CAMK2D: variants seen among roughly 807,000 people sequenced by gnomAD.
CAMK2D encodes the protein calcium/calmodulin-dependent protein kinase type II subunit delta.
Under a neutral mutation model 84.0 loss-of-function variants are expected in CAMK2D, and 37 were observed. The ratio of observed to expected loss-of-function variants is 0.44; its 90% confidence interval spans 0.34 to 0.58. The LOEUF is 0.58. CAMK2D is among the 20% of genes least tolerant of loss of function. The pLI is 0.02. For missense variants in CAMK2D, 448 were observed against 652.5 expected, an observed-to-expected ratio of 0.69 and a Z score of 3.41; for synonymous variants, 202 against 212.5, an observed-to-expected ratio of 0.95 and a Z score of 0.43.
intron 2 of CAMK2D, chr4:113,754,471 A>T: frequency 1.1e-6 from 1 of 928,856 alleles, no homozygotes; most frequent in Non-Finnish European, 1.3e-6. Flanking sequence ...CATATTGCTA[A>T]ATTTTAATTT....
chr4:113,466,538 G>A (rs776941462), intron 16 of CAMK2D, among the ~76,000 whole-genome samples: 2 of 152,064 alleles, frequency 1.3e-5, no homozygotes, highest in Admixed American at 6.6e-5. Context: ...ACTGGCCTTT[G>A]TTTTTAGACA....
intron 2 of CAMK2D, chr4:113,679,402 C>A (rs2099331272): frequency 3.2e-6 from 3 of 928,306 alleles, no homozygotes; most frequent in African/African-American, 1.8e-5. Context: ...TAAATACTTG[C>A]CTCTCCCCAG....
At chr4:113,638,825 G>A (rs376184137) in intron 3 of CAMK2D, among the ~76,000 whole-genome samples, 4 of 152,142 alleles carry the variant, frequency 2.6e-5, no homozygotes, top group South Asian at 2.1e-4. Flanking sequence ...AGACAATTGT[G>A]GTAAGGTGGA....
At chr4:113,644,119 C>T (rs1423068576) in intron 3 of CAMK2D, among the ~76,000 whole-genome samples, 1 of 152,048 alleles carries the variant, frequency 6.6e-6, no homozygotes. Flanking sequence ...ACTTTGACTT[C>T]ATAAGACGTG....
Position 113,761,667 on chromosome 4 carries a change from A to C in CAMK2D, c.-599T>G. The C allele has an allele frequency of 1.0e-6, 1 of 984,922 alleles. No individual in the cohort carries two copies. Among genetic ancestry groups the C allele is most frequent in the Non-Finnish European group, 1.2e-6 (1 of 829,646 alleles). 61.0% of individuals were successfully genotyped at this position (984,922 alleles called of 1,614,324 possible). A position where few individuals can be genotyped will look rare whatever the true frequency, so the allele number is the denominator to read the frequency against. On this transcript the variant is annotated 5_prime_UTR_variant, in exon 1 of 21. Transcript: ENST00000511664. Reference sequence around the variant, plus strand: ...CCGGCGGGCGGCAGCGGCTCCGGCGAAGCGAGGCACCTTGGCGGCCTCGCG... The same window carrying C: ...CCGGCGGGCGGCAGCGGCTCCGGCGCAGCGAGGCACCTTGGCGGCCTCGCG...
At chr4:113,581,099 G>C (rs1402303074) in intron 4 of CAMK2D, among the ~76,000 whole-genome samples, 1 of 152,120 alleles carries the variant, frequency 6.6e-6, no homozygotes, top group Non-Finnish European at 1.5e-5. Flanking sequence ...AATGCAGTGT[G>C]AAAGTAGAGG....
intron 3 of CAMK2D, among the ~76,000 whole-genome samples, chr4:113,648,769 A>G (rs1449077072): frequency 2.0e-5 from 3 of 152,186 alleles, no homozygotes; most frequent in African/African-American, 7.2e-5. Context: ...AGTCACAGCC[A>G]AATATTTCCA....
At chr4:113,708,083 A>G (rs961961931) in intron 2 of CAMK2D, among the ~76,000 whole-genome samples, 15 of 151,008 alleles carry the variant, frequency 9.9e-5, no homozygotes, top group Non-Finnish European at 1.5e-4. Context: ...TACCAACCAT[A>G]AAAAAAAAGT....
chr4:113,644,336 G>C (rs1292425904), intron 3 of CAMK2D, among the ~76,000 whole-genome samples: 1 of 152,172 alleles, frequency 6.6e-6, no homozygotes, highest in Non-Finnish European at 1.5e-5. Context: ...GCAAAAGTCA[G>C]GAGTCAAAAT....
Position 113,452,229 on chromosome 4 carries a change from C to T in CAMK2D, c.*2316G>A, listed in dbSNP as rs1236870612. The T allele has an allele frequency of 1.3e-5, 2 of 151,580 alleles. No individual in the cohort carries two copies. Among genetic ancestry groups the T allele is most frequent in the Non-Finnish European group, 2.9e-5 (2 of 67,972 alleles). 9.4% of individuals were successfully genotyped at this position (151,580 alleles called of 1,614,324 possible). A position where few individuals can be genotyped will look rare whatever the true frequency, so the allele number is the denominator to read the frequency against. ...TCTTAGTTGTTAACTATATTGTTCT[C>T]AGCAACATTTTCCCAGAAGAGACCA... On this transcript the variant is annotated 3_prime_UTR_variant, in exon 21 of 21. Coordinates refer to ENST00000511664, the MANE Select transcript of CAMK2D (RefSeq NM_001321571.2).
chr4:113,630,130 T>G (rs1174869498), intron 3 of CAMK2D, among the ~76,000 whole-genome samples: 1 of 152,172 alleles, frequency 6.6e-6, no homozygotes, highest in Non-Finnish European at 1.5e-5. Context: ...AAAAAATGAA[T>G]GCGTAGTTAT....
chr4:113,456,236 G>A (rs2097302032), intron 19 of CAMK2D, among the ~76,000 whole-genome samples: 1 of 152,178 alleles, frequency 6.6e-6, no homozygotes. Context: ...ATTCTCTGGA[G>A]TGAGTTGAAT....
chr4:113,737,062 A>G (rs1368682244), intron 2 of CAMK2D, among the ~76,000 whole-genome samples: 3 of 152,204 alleles, frequency 2.0e-5, no homozygotes, highest in Non-Finnish European at 4.4e-5. Context: ...TGGGGGTAAA[A>G]TGATCTAGCA....
intron 16 of CAMK2D, among the ~76,000 whole-genome samples, chr4:113,497,530 AG>A (rs2097954670): frequency 6.6e-6 from 1 of 152,232 alleles, no homozygotes; most frequent in Non-Finnish European, 1.5e-5. Flanking sequence ...TCTTTCTTTG[AG>A]AACAGCTGGC....
At chr4:113,693,109 T>A (rs2099393057) in intron 2 of CAMK2D, among the ~76,000 whole-genome samples, 1 of 152,124 alleles carries the variant, frequency 6.6e-6, no homozygotes, top group Non-Finnish European at 1.5e-5. Flanking sequence ...CCAACCTTTC[T>A]GAGGGATACT....
chr4:113,495,382 A>G (rs2097914736), intron 16 of CAMK2D, among the ~76,000 whole-genome samples: 1 of 152,240 alleles, frequency 6.6e-6, no homozygotes, highest in African/African-American at 2.4e-5. Context: ...GTCCTGAAAT[A>G]TAAATTACAT....
intron 16 of CAMK2D, among the ~76,000 whole-genome samples, chr4:113,489,410 G>A (rs1158807863): frequency 2.0e-5 from 3 of 150,514 alleles, no homozygotes; most frequent in Admixed American, 6.6e-5. Flanking sequence ...TTGTTCTTGC[G>A]ATAGTTTACT....
rs900750576 is a variant in CAMK2D, at chr4:113,452,486, T to C, written c.*2059A>G. The C allele has an allele frequency of 1.3e-5, 2 of 152,572 alleles. No individual in the cohort carries two copies. Among genetic ancestry groups the C allele is most frequent in the African/African-American group, 2.4e-5 (1 of 41,448 alleles). The allele number at this position is 152,572 out of a possible 1,614,324, so 9.5% of individuals were successfully genotyped here. ...TCCTTTACCATTATGGCAAGAAATA[T>C]ATACAGTGTCCCATGGTAAACTGCA... is the stretch of plus-strand genomic sequence containing the variant. On this transcript the variant is annotated 3_prime_UTR_variant, in exon 21 of 21. Transcript: ENST00000511664.
Position 113,454,322 on chromosome 4 carries a change from C to G in CAMK2D, c.*223G>C. 4.9e-6 allele frequency: 2 copies of G among 405,242 alleles called. No individual in the cohort carries two copies. The allele number at this position is 405,242 out of a possible 1,614,324, so 25.1% of individuals were successfully genotyped here. Reference sequence around the variant, plus strand: ...GTAATTTAAGTTTGTGTGGAACATCCCCGTAGTTGAAGTGTAAACAATGTA... The same window carrying G: ...GTAATTTAAGTTTGTGTGGAACATCGCCGTAGTTGAAGTGTAAACAATGTA... On this transcript the variant is annotated 3_prime_UTR_variant, in exon 21 of 21. Transcript: ENST00000511664.
Sources: allele counts gnomAD v4.1 joint callset (sites outside exome capture counted in the v4.1 genomes callset), GRCh38; gene constraint gnomAD v4.1.1; transcripts MANE v1.5; gene names NCBI Gene and HGNC (gene_info 2026-07-23, HGNC 2026-07-21).